BRCC3: variants seen among roughly 807,000 people sequenced by gnomAD.
BRCC3 encodes BRCA1/BRCA2-containing complex subunit 3.
A neutral mutation model predicts 28.0 loss-of-function variants in BRCC3; 15 were observed. The observed-to-expected ratio is 0.54, with a 90% CI of 0.36 to 0.82. The LOEUF is 0.82. Among genes scored for constraint, BRCC3 ranks in the 40% least tolerant of loss-of-function variants. The pLI, the probability that BRCC3 is intolerant of heterozygous loss-of-function variation, is 0.01. For missense variants in BRCC3, 109 were observed against 225.9 expected (o/e 0.48, Z 3.32); for synonymous variants, 66 against 80.3 (o/e 0.82, Z 0.95).
In BRCC3 at chrX:155,073,377, G is replaced by C; in HGVS notation, c.141G>C (p.Arg47Ser). 1 of 1,166,413 alleles carries C rather than the reference G, an allele frequency of 8.6e-7. No homozygotes were observed. Among genetic ancestry groups the C allele is most frequent in the Non-Finnish European group, 1.1e-6 (1 of 872,174 alleles). Residue 47 changes from arginine to serine, a missense_variant and splice_region_variant, in exon 3 of 11, where the codon AGG becomes AGC. Arg to Ser is a moderately radical substitution (Grantham distance 110, BLOSUM62 -1). This residue lies in a region of BRCC3 where 58 missense variants were observed against 92.8 expected (regional missense o/e 0.63). Transcript: ENST00000330045. ...LCIGELNDDT[R>S]SDSKFAYTGT... ...TTTTTTTCTAATTTATTCCCAGTAG[G>C]AGTGACTCCAAATTTGCATATACTG...
intron 7 of BRCC3, among the ~76,000 whole-genome samples, chrX:155,107,322 T>TTA (rs1369628954): frequency 2.9e-5 from 3 of 104,628 alleles, no homozygotes; most frequent in African/African-American, 1.1e-4. Flanking sequence ...TTTTATTTAT[T>TTA]TTTTTTTTTA....
chrX:155,111,111 G>T (rs1479846741), intron 7 of BRCC3, among the ~76,000 whole-genome samples: 2 of 111,466 alleles, frequency 1.8e-5, no homozygotes, highest in East Asian at 5.6e-4. Context: ...TTATGAAAAT[G>T]CTCAAGCTAT....
At chrX:155,077,138 G>T in intron 3 of BRCC3, 32 bp from the exon 4 acceptor site, 1 of 1,138,534 alleles carries the variant, frequency 8.8e-7, no homozygotes, top group Admixed American at 2.3e-5. Flanking sequence ...GGAGAGAGCT[G>T]TAAGTAACCA....
At chrX:155,113,077 A>G (rs1462250215) in intron 7 of BRCC3, among the ~76,000 whole-genome samples, 1 of 101,300 alleles carries the variant, frequency 9.9e-6, no homozygotes, top group African/African-American at 3.6e-5. Context: ...AGTGATCTGT[A>G]GATTTAATGC....
intron 5 of BRCC3, among the ~76,000 whole-genome samples, chrX:155,079,493 C>T (rs946039332): frequency 6.3e-5 from 7 of 111,757 alleles, no homozygotes; most frequent in Middle Eastern, 4.6e-3. Context: ...CAGTCCCAGA[C>T]TTTAATGAAA....
intron 1 of BRCC3, among the ~76,000 whole-genome samples, 191 bp from the exon 2 acceptor site, chrX:155,072,136 C>T (rs1557292690): frequency 8.9e-6 from 1 of 111,871 alleles, no homozygotes; most frequent in South Asian, 3.7e-4. Context: ...CAAAAGTTTC[C>T]GCTGCATTGT....
In BRCC3 at chrX:155,118,989, A is replaced by G. The variant is rs1326660154; in HGVS notation, c.725-1010A>G. ...GTTAAAGAAATACAGGAGGAAAAATATAAGAATTTTTTTCAGACTCTAGGA... is the reference window on the plus strand; with the variant it reads ...GTTAAAGAAATACAGGAGGAAAAATGTAAGAATTTTTTTCAGACTCTAGGA... On this transcript the variant is annotated intron_variant, in intron 9 of 10. Transcript: ENST00000330045. 5.4e-5 allele frequency among the ~76,000 whole-genome samples: 6 copies of G among 112,051 alleles called. No homozygotes were observed. In the Admixed American group the frequency reaches 5.7e-4, roughly 11 times the overall value.
intron 7 of BRCC3, among the ~76,000 whole-genome samples, chrX:155,105,809 C>T (rs1373170668): frequency 8.9e-6 from 1 of 112,010 alleles, no homozygotes; most frequent in Non-Finnish European, 1.9e-5. Flanking sequence ...AGCTGTTCTC[C>T]TGTCTCAGAC....
chrX:155,072,549 A>G (rs782375903), intron 2 of BRCC3, among the ~76,000 whole-genome samples: 7 of 111,158 alleles, frequency 6.3e-5, no homozygotes, highest in Admixed American at 9.5e-5. Context: ...CATCTTAATA[A>G]GCATTATCAT....
At chrX:155,078,876 T>C (rs1189464436) in intron 5 of BRCC3, 173 bp downstream of exon 5, 1 of 370,704 alleles carries the variant, frequency 2.7e-6, no homozygotes, top group Non-Finnish European at 4.7e-6. Flanking sequence ...GTCATATTGA[T>C]TGTTTTTAAT....
chrX:155,102,832 G>C (rs990116128), intron 7 of BRCC3, among the ~76,000 whole-genome samples: 11 of 111,981 alleles, frequency 9.8e-5, no homozygotes, highest in Admixed American at 7.6e-4. Context: ...CTCCTTTATA[G>C]ACTAATTAGC....
At chrX:155,075,194 C>G (rs1557293295) in intron 3 of BRCC3, among the ~76,000 whole-genome samples, 2 of 80,521 alleles carry the variant, frequency 2.5e-5, no homozygotes, top group African/African-American at 1.6e-4. Flanking sequence ...TGAAATCAGA[C>G]CTGTTGCACA....
At chrX:155,085,707 A>T (rs1175572639) in intron 5 of BRCC3, among the ~76,000 whole-genome samples, 1 of 112,300 alleles carries the variant, frequency 8.9e-6, no homozygotes, top group Non-Finnish European at 1.9e-5. Context: ...GGTGAGGATA[A>T]TGTCACCAGA....
At chrX:155,120,378 A>G (rs782393521) in intron 10 of BRCC3, among the ~76,000 whole-genome samples, 1 of 112,318 alleles carries the variant, frequency 8.9e-6, no homozygotes, top group East Asian at 2.8e-4. Flanking sequence ...TATGAAAGTT[A>G]TTTTTAAAAA....
At chrX:155,096,392 A>G (rs2074209862) in intron 7 of BRCC3, among the ~76,000 whole-genome samples, 2 of 112,586 alleles carry the variant, frequency 1.8e-5, no homozygotes, top group African/African-American at 6.5e-5. Context: ...TGTTCACTTT[A>G]AAATGGTTAA....
chrX:155,093,960 C>T (rs2074192419), intron 7 of BRCC3, among the ~76,000 whole-genome samples: 1 of 111,055 alleles, frequency 9.0e-6, no homozygotes, highest in Admixed American at 9.5e-5. Context: ...GCTGGTTACT[C>T]CCATTTCACA....
chrX:155,088,046 T>G (rs2124264607), intron 5 of BRCC3, among the ~76,000 whole-genome samples: 1 of 112,707 alleles, frequency 8.9e-6, no homozygotes, highest in South Asian at 3.6e-4. Context: ...TTTAATTCTC[T>G]GTACTGCTAT....
intron 5 of BRCC3, among the ~76,000 whole-genome samples, chrX:155,082,242 G>A (rs1045009544): frequency 2.5e-4 from 28 of 112,148 alleles, no homozygotes; most frequent in African/African-American, 7.8e-4. Flanking sequence ...GTGCCCTACC[G>A]TAGCAACATA....
At chrX:155,104,175 C>G (rs1169725554) in intron 7 of BRCC3, among the ~76,000 whole-genome samples, 1 of 111,318 alleles carries the variant, frequency 9.0e-6, no homozygotes, top group Non-Finnish European at 1.9e-5. Flanking sequence ...TGGGCCAATT[C>G]CAATTCATTT....
Sources: allele counts gnomAD v4.1 joint callset (sites outside exome capture counted in the v4.1 genomes callset), GRCh38; gene constraint gnomAD v4.1.1; regional missense constraint gnomAD v4.1.1; transcripts MANE v1.5; gene names NCBI Gene and HGNC (gene_info 2026-07-23, HGNC 2026-07-21).